The following TMEM245 variants were observed in gnomAD, a reference collection of about 807,000 sequenced individuals.
TMEM245 encodes transmembrane protein 245.
A neutral mutation model predicts 101.2 loss-of-function variants in TMEM245; 69 were observed. The observed-to-expected ratio is 0.68, with a 90% CI of 0.56 to 0.83. The LOEUF is 0.83. Ranked by LOEUF, TMEM245 falls within the 40% of genes least tolerant of loss-of-function variation. TMEM245 has a pLI of 0.00. For synonymous variants in TMEM245, 537 were observed against 449.8 expected, an observed-to-expected ratio of 1.19 and a Z score of -2.45; for missense variants, 1,075 against 1,092.8, an observed-to-expected ratio of 0.98 and a Z score of 0.23.
At chr9:109,090,129 C>T (rs548105768) in intron 5 of TMEM245, among the ~76,000 whole-genome samples, 5 of 152,044 alleles carry the variant, frequency 3.3e-5, no homozygotes, top group East Asian at 3.9e-4. Flanking sequence ...GGGGTGGTGG[C>T]GCATGCCTGT....
intron 14 of TMEM245, among the ~76,000 whole-genome samples, chr9:109,039,811 AG>A (rs1828249714): frequency 6.6e-6 from 1 of 151,974 alleles, no homozygotes; most frequent in South Asian, 2.1e-4. Context: ...GTAGGTTTTG[AG>A]GGGGAGGGAA....
intron 8 of TMEM245, among the ~76,000 whole-genome samples, chr9:109,073,854 T>C (rs1020483236): frequency 1.8e-4 from 24 of 135,270 alleles, no homozygotes; most frequent in Non-Finnish European, 3.5e-4. Context: ...CTTTTTTTTT[T>C]TGTTTTTTTT....
chr9:109,053,358 T>C (rs1382432933), intron 12 of TMEM245, among the ~76,000 whole-genome samples: 2 of 151,728 alleles, frequency 1.3e-5, no homozygotes, highest in African/African-American at 4.8e-5. Flanking sequence ...ACCCAGGAGG[T>C]GGAGGTTGCA....
intron 3 of TMEM245, among the ~76,000 whole-genome samples, chr9:109,097,373 C>T (rs983483376): frequency 2.0e-5 from 3 of 152,012 alleles, no homozygotes; most frequent in South Asian, 2.1e-4. Flanking sequence ...AGCAGAGTGG[C>T]GTAAGAATGC....
At chr9:109,085,026 G>T (rs1829790616) in intron 7 of TMEM245, among the ~76,000 whole-genome samples, 1 of 152,106 alleles carries the variant, frequency 6.6e-6, no homozygotes, top group Admixed American at 6.5e-5. Flanking sequence ...TTCCACAAAA[G>T]ACATATATAT....
chr9:109,041,289 C>G (rs762381565), intron 14 of TMEM245, among the ~76,000 whole-genome samples: 1 of 151,956 alleles, frequency 6.6e-6, no homozygotes, highest in Non-Finnish European at 1.5e-5. Context: ...TTCAGCCCCC[C>G]CAAAAGAAGG....
chr9:109,028,015 C>T (rs1207916230), intron 17 of TMEM245, among the ~76,000 whole-genome samples: 1 of 152,056 alleles, frequency 6.6e-6, no homozygotes, highest in East Asian at 1.9e-4. Flanking sequence ...AACAGCCAAA[C>T]ACCTTCAATA....
intron 10 of TMEM245, among the ~76,000 whole-genome samples, chr9:109,063,156 GTC>G (rs1411402556): frequency 4.0e-5 from 6 of 151,676 alleles, no homozygotes; most frequent in African/African-American, 1.5e-4. Context: ...GAGTTTCTCC[GTC>G]TCTGAGAGTA....
chr9:109,039,988 T>C (rs1264383685), intron 14 of TMEM245, among the ~76,000 whole-genome samples: 1 of 152,200 alleles, frequency 6.6e-6, no homozygotes, highest in East Asian at 1.9e-4. Flanking sequence ...TGCAACAGAA[T>C]ACTGCAACTC....
rs1828117896 is a variant in TMEM245, at chr9:109,036,220, G to A, written c.2385C>T (p.Tyr795=). 2 of 1,609,256 alleles carry A rather than the reference G, an allele frequency of 1.2e-6. No individual in the cohort carries two copies. The highest frequency in any genetic ancestry group is 1.1e-5 in the South Asian group (1 of 90,156). The part of the protein sequence containing the change: ...LPTYFVDTAI[Y]SDISGGGHPY... Reference sequence around the variant, plus strand: ...GGCTTACTTACCCTGATATGTCAGAGTAGATTGCAGTATCTACAAAGTATG... The same window carrying A: ...GGCTTACTTACCCTGATATGTCAGAATAGATTGCAGTATCTACAAAGTATG... The change falls in exon 16 of 18, where the codon TAC becomes TAT. Residue 795 remains tyrosine (Y), a synonymous_variant. Coordinates refer to ENST00000374586, the MANE Select transcript of TMEM245 (RefSeq NM_032012.4).
intron 1 of TMEM245, among the ~76,000 whole-genome samples, chr9:109,115,677 C>T (rs902430134): frequency 2.6e-5 from 4 of 151,170 alleles, no homozygotes; most frequent in Admixed American, 1.3e-4. Flanking sequence ...ATTATGGAGT[C>T]GGCCGTCACA....
chr9:109,045,535 A>C (rs1828463440), intron 14 of TMEM245, among the ~76,000 whole-genome samples: 1 of 152,212 alleles, frequency 6.6e-6, no homozygotes, highest in Non-Finnish European at 1.5e-5. Context: ...TGTGTCCTTG[A>C]CAATGCCTAG....
At chr9:109,040,539 G>A (rs912344566) in intron 14 of TMEM245, among the ~76,000 whole-genome samples, 2 of 152,086 alleles carry the variant, frequency 1.3e-5, no homozygotes, top group African/African-American at 4.8e-5. Context: ...TAGATATGCT[G>A]TCACTATAAT....
intron 17 of TMEM245, among the ~76,000 whole-genome samples, chr9:109,029,229 G>A (rs1164305560): frequency 6.6e-6 from 1 of 152,156 alleles, no homozygotes; most frequent in East Asian, 1.9e-4. Flanking sequence ...CCCAGTCCAT[G>A]AGGGTCAAAG....
rs1588060863 is a variant in TMEM245, at chr9:109,083,905, A to ACAAAAC, written c.1344+2091_1344+2092insGTTTTG. On this transcript the variant is annotated intron_variant, in intron 7 of 17. Coordinates refer to ENST00000374586, the MANE Select transcript of TMEM245 (RefSeq NM_032012.4). ...ACCCCATCTCTACTAAAAATACAAA[A>ACAAAAC]AAAAAAAAAAAAAAAAAAAAAAAAC... Among the ~76,000 whole-genome samples the ACAAAAC allele has an allele frequency of 1.4e-4, 13 of 91,502 alleles. 1 individual carries two copies. In the East Asian group the frequency reaches 3.2e-3, roughly 23 times the overall value. The allele number at this position is 91,502 out of a possible 152,430, so 60.0% of individuals were successfully genotyped here. A position where few individuals can be genotyped will look rare whatever the true frequency, so the allele number is the denominator to read the frequency against.
At chr9:109,033,102 A>G (rs760693561) in intron 17 of TMEM245, among the ~76,000 whole-genome samples, 1 of 152,154 alleles carries the variant, frequency 6.6e-6, no homozygotes, top group African/African-American at 2.4e-5. Flanking sequence ...CCCGGCCCCA[A>G]TATAGGTTTT....
chr9:109,119,904 C>T lies in TMEM245; in HGVS notation c.10G>A (p.Gly4Ser). MAD[G>S]GGPKDAPSLR... ...CTTGGCGCGTCCTTAGGGCCGCCGC[C>T]GTCGGCCATCGTTCCTCCGCCACAG... Residue 4 changes from glycine to serine, a missense_variant, in exon 1 of 18, where the codon GGC becomes AGC. By Grantham distance (56) the Gly-to-Ser change is moderately conservative. This residue lies in a region of TMEM245 where 808 missense variants were observed against 741.5 expected (regional missense o/e 1.09). Coordinates refer to ENST00000374586, the MANE Select transcript of TMEM245 (RefSeq NM_032012.4). The T allele has an allele frequency of 1.6e-6, 2 of 1,272,362 alleles. No individual in the cohort carries two copies. Among genetic ancestry groups the T allele is most frequent in the Non-Finnish European group, 2.0e-6 (2 of 1,014,110 alleles). The allele number at this position is 1,272,362 out of a possible 1,614,324, so 78.8% of individuals were successfully genotyped here. A position where few individuals can be genotyped will look rare whatever the true frequency, so the allele number is the denominator to read the frequency against.
intron 11 of TMEM245, among the ~76,000 whole-genome samples, chr9:109,057,914 G>A (rs1334938383): frequency 7.0e-6 from 1 of 143,084 alleles, no homozygotes; most frequent in African/African-American, 2.6e-5. Flanking sequence ...ACACTAAACA[G>A]CATTTACTTT....
At chr9:109,099,558 A>G (rs937111849) in intron 3 of TMEM245, among the ~76,000 whole-genome samples, 1 of 152,176 alleles carries the variant, frequency 6.6e-6, no homozygotes, top group African/African-American at 2.4e-5. Flanking sequence ...AATTTCTTAT[A>G]CTCAGAGAAA....
Sources: gnomAD v4.1 joint callset for allele counts (sites outside exome capture counted in the v4.1 genomes callset) on GRCh38, gnomAD v4.1.1 for gene constraint, gnomAD v4.1.1 regional missense constraint, MANE v1.5 for transcripts, NCBI Gene and HGNC (gene_info 2026-07-23, HGNC 2026-07-21) for gene names.